RBFOX1: variants seen among roughly 807,000 people sequenced by gnomAD.
RBFOX1 encodes the protein RNA binding protein fox-1 homolog 1.
A neutral mutation model predicts 57.7 loss-of-function variants in RBFOX1; 8 were observed. The ratio of observed to expected loss-of-function variants is 0.14; its 90% CI spans 0.08 to 0.25. The LOEUF (loss-of-function observed/expected upper bound fraction) is 0.25, where lower values mean the gene tolerates loss of function less well. Among genes scored for constraint, RBFOX1 ranks in the 10% least tolerant of loss-of-function variants. The probability of loss-of-function intolerance (pLI) is 1.00; values close to 1 mark genes in which losing one functional copy is unlikely to be tolerated. For synonymous variants in RBFOX1, 326 were observed against 222.4 expected (o/e 1.47, Z -4.15); for missense variants, 611 against 548.5 (o/e 1.11, Z -1.14).
At chr16:5,358,329 T>TTTTTTTTTTTTTTTTTGA (rs2065450848) in intron 1 of RBFOX1, among the ~76,000 whole-genome samples, 1 of 151,346 alleles carries the variant, frequency 6.6e-6, no homozygotes, top group African/African-American at 2.5e-5. Flanking sequence ...AATCTTTTTA[T>TTTTTTTTTTTTTTTTTGA]GCCTGCATAT....
chr16:7,165,425 T>C (rs1000210451), intron 4 of RBFOX1, among the ~76,000 whole-genome samples: 12 of 66,618 alleles, frequency 1.8e-4, no homozygotes, highest in South Asian at 8.3e-4. Flanking sequence ...TAATCATTAT[T>C]ATTATTATTA....
At chr16:5,599,627 A>G (rs902140276) in exon 3 of RBFOX1, 14 of 195,396 alleles carry the variant, frequency 7.2e-5, no homozygotes, top group Non-Finnish European at 1.5e-4. Context: ...TGGCACACAG[A>G]CTGTTGCTGT....
At chr16:5,681,051 G>A (rs535987382) in intron 3 of RBFOX1, among the ~76,000 whole-genome samples, 1 of 152,056 alleles carries the variant, frequency 6.6e-6, no homozygotes, top group Non-Finnish European at 1.5e-5. Flanking sequence ...AAGATGGCCA[G>A]AAAAGACCAC....
At chr16:5,876,642 A>C (rs1003054899) in intron 4 of RBFOX1, among the ~76,000 whole-genome samples, 17 of 152,198 alleles carry the variant, frequency 1.1e-4, no homozygotes, top group Middle Eastern at 3.4e-3. Context: ...TGATCACAAA[A>C]CCCATTCCCA....
At chr16:6,247,422 C>A (rs1440646186) in intron 1 of RBFOX1, among the ~76,000 whole-genome samples, 1 of 152,124 alleles carries the variant, frequency 6.6e-6, no homozygotes. Flanking sequence ...ACCAGACATG[C>A]TGTCTTTTTC....
intron 3 of RBFOX1, among the ~76,000 whole-genome samples, chr16:5,683,153 G>A (rs1365154394): frequency 6.6e-5 from 10 of 151,528 alleles, no homozygotes; most frequent in African/African-American, 2.4e-4. Context: ...GGGTGGAGGT[G>A]GAGGTGGGGG....
chr16:6,672,322 G>T (rs2098770876), intron 3 of RBFOX1, among the ~76,000 whole-genome samples: 1 of 151,624 alleles, frequency 6.6e-6, no homozygotes, highest in African/African-American at 2.4e-5. Flanking sequence ...TACAAATATT[G>T]TGGTGGGGAA....
intron 1 of RBFOX1, among the ~76,000 whole-genome samples, chr16:6,083,482 G>A (rs1268804027): frequency 4.6e-5 from 7 of 151,628 alleles, no homozygotes; most frequent in African/African-American, 1.7e-4. Flanking sequence ...TTTTGGTTTT[G>A]GTTTTGGTTT....
At chr16:6,481,657 G>A (rs1281990598) in intron 2 of RBFOX1, among the ~76,000 whole-genome samples, 1 of 152,090 alleles carries the variant, frequency 6.6e-6, no homozygotes, top group East Asian at 1.9e-4. Flanking sequence ...ATTTTACCTG[G>A]TGCTGTTGGA....
chr16:7,029,166 ATAT>A, intron 3 of RBFOX1, among the ~76,000 whole-genome samples: 1 of 124,592 alleles, frequency 8.0e-6, no homozygotes, highest in Non-Finnish European at 1.6e-5. Flanking sequence ...ATATACACAT[ATAT>A]ATACGTATAC....
intron 1 of RBFOX1, among the ~76,000 whole-genome samples, chr16:6,225,184 A>G (rs558299673): frequency 6.6e-6 from 1 of 152,082 alleles, no homozygotes; most frequent in African/African-American, 2.4e-5. Flanking sequence ...AATAACAGCT[A>G]CAATCCCAAT....
chr16:6,457,221 A>T (rs2094795557), intron 2 of RBFOX1, among the ~76,000 whole-genome samples: 1 of 152,196 alleles, frequency 6.6e-6, no homozygotes, highest in African/African-American at 2.4e-5. Flanking sequence ...GTAGCTAGAG[A>T]TGTCAGAAAA....
intron 1 of RBFOX1, among the ~76,000 whole-genome samples, chr16:5,369,673 A>G (rs1460734838): frequency 2.0e-5 from 3 of 152,088 alleles, no homozygotes; most frequent in Non-Finnish European, 4.4e-5. Flanking sequence ...AACTAAACAT[A>G]TTTCCAAAGC....
rs1598721055 is a variant in RBFOX1, at chr16:7,710,865, T to C, written c.*120T>C. 2 of 1,027,608 alleles carry C rather than the reference T, an allele frequency of 1.9e-6. No individual in the cohort carries two copies. Among genetic ancestry groups the C allele is most frequent in the South Asian group, 3.6e-5 (1 of 27,484 alleles). 63.7% of individuals were successfully genotyped at this position (1,027,608 alleles called of 1,614,324 possible). On this transcript the variant is annotated 3_prime_UTR_variant, in exon 16 of 16. Transcript: ENST00000550418. ...ACTCTAAAAAAAAAAAAAATACAAA[T>C]AAAAAGGAAAAAAAATTACATTTTT...
At chr16:5,718,678 A>G (rs11647762) in intron 3 of RBFOX1, among the ~76,000 whole-genome samples, 85,190 of 152,130 alleles carry the variant, frequency 0.56, 26,788 homozygotes, top group Non-Finnish European at 0.72. Context: ...AGGCCAAGGC[A>G]GGTGGATCAC....
chr16:5,892,000 AG>A (rs1305191312), intron 4 of RBFOX1, among the ~76,000 whole-genome samples: 3 of 152,162 alleles, frequency 2.0e-5, no homozygotes, highest in African/African-American at 7.2e-5. Context: ...TATCGGGGAG[AG>A]GGTGAAGTCA....
chr16:6,783,464 A>G (rs1175632832), intron 3 of RBFOX1, among the ~76,000 whole-genome samples: 3 of 150,730 alleles, frequency 2.0e-5, no homozygotes, highest in Non-Finnish European at 4.4e-5. Context: ...AAATCTTATA[A>G]CCAATTATTT....
At chr16:6,857,767 G>T (rs561469027) in intron 3 of RBFOX1, among the ~76,000 whole-genome samples, 6 of 152,124 alleles carry the variant, frequency 3.9e-5, no homozygotes, top group Admixed American at 6.5e-5. Flanking sequence ...TGCGAATTTT[G>T]TTCTGTCAGC....
intron 3 of RBFOX1, chr16:5,867,276 T>G: frequency 1.7e-6 from 2 of 1,173,554 alleles, no homozygotes; most frequent in South Asian, 8.6e-5. Flanking sequence ...GAATCAATAC[T>G]AATGTCTTTT....
Sources: allele counts gnomAD v4.1 joint callset (sites outside exome capture counted in the v4.1 genomes callset), GRCh38; gene constraint gnomAD v4.1.1; transcripts MANE v1.5; gene names NCBI Gene and HGNC (gene_info 2026-07-23, HGNC 2026-07-21).